Variants in PABIR3 observed in about 807,000 individuals in gnomAD.
PABIR3 encodes the protein PABIR family member 1.
In PABIR3, 20 loss-of-function variants were observed where a neutral mutation model predicts 23.1. The observed-to-expected ratio is 0.86, with a 90% CI of 0.61 to 1.26. The LOEUF (loss-of-function observed/expected upper bound fraction) is 1.26, where lower values mean the gene tolerates loss of function less well. Ranked by LOEUF, PABIR3 falls within the 50% of genes most tolerant of loss-of-function variation. The probability of loss-of-function intolerance (pLI) is 0.00; values close to 1 mark genes in which losing one functional copy is unlikely to be tolerated. For synonymous variants in PABIR3, 69 were observed against 68.5 expected (o/e 1.01, Z -0.04); for missense variants, 189 against 195.4 (o/e 0.97, Z 0.20).
In PABIR3 at chrX:134,814,799, A is replaced by G; in HGVS notation, c.139A>G (p.Met47Val). ...TAATTCACAGGTGTTGCAAGCTGAC[A>G]TGTTAAGAATTAGGACAAACAGAAC... ...GFNSQVLQADMLRIRTNRTTF... is the reference protein window; with the variant it reads ...GFNSQVLQADVLRIRTNRTTF... The change falls in exon 3 of 11, where the codon ATG becomes GTG. Residue 47 changes from methionine (M) to valine (V), a missense_variant. Coordinates refer to ENST00000645433, the MANE Select transcript of PABIR3 (RefSeq NM_001388447.1). 8.3e-7 allele frequency: 1 copy of G among 1,201,352 alleles called. No individual in the cohort carries two copies. Among genetic ancestry groups the G allele is most frequent in the Non-Finnish European group, 1.1e-6 (1 of 890,565 alleles).
At chrX:134,801,505 G>A (rs1367392437) in intron 1 of PABIR3, among the ~76,000 whole-genome samples, 1 of 112,670 alleles carries the variant, frequency 8.9e-6, no homozygotes, top group Admixed American at 9.4e-5. Flanking sequence ...TTATGTCCCA[G>A]GGACCCTTTG....
At position 134,847,962 on chromosome X, in the gene PABIR3, A is replaced by T. The variant is rs1206897302; in HGVS notation, c.518A>T (p.Gln173Leu). The change falls in exon 8 of 11, where the codon CAA becomes CTA. Residue 173 changes from glutamine to leucine, a missense_variant. By Grantham distance (113) the Gln-to-Leu change is moderately radical. Transcript: ENST00000645433. ...AGTCCTATTCCCAGTCCTATGCAAC[A>T]ATACATCATGTAAGTTTATGTTATA... Reference protein sequence around the residue: ...PSSPIPSPMQQYIIRSQNPTN... With the variant: ...PSSPIPSPMQLYIIRSQNPTN... The T allele has an allele frequency of 5.8e-5, 66 of 1,144,454 alleles. No homozygotes were observed. The East Asian group carries it at 1.6e-3, about 28-fold the overall frequency. 94.3% of individuals were successfully genotyped at this position (1,144,454 alleles called of 1,213,427 possible).
At chrX:134,809,636 A>G in intron 2 of PABIR3, 1 of 742,395 alleles carries the variant, frequency 1.3e-6, no homozygotes, top group Non-Finnish European at 1.6e-6. Context: ...GTTGTAATTC[A>G]CAGTACCATA....
chrX:134,822,350 C>G, intron 3 of PABIR3: 1 of 749,042 alleles, frequency 1.3e-6, no homozygotes, highest in East Asian at 1.5e-4. Context: ...CTTCCAGAAG[C>G]CTTGTTTTCT....
At chrX:134,816,413 C>T (rs1469055102) in intron 3 of PABIR3, among the ~76,000 whole-genome samples, 5 of 112,338 alleles carry the variant, frequency 4.5e-5, no homozygotes, top group Middle Eastern at 4.7e-3. Context: ...CTCTGCCTCC[C>T]GGGTTCAGGC....
At chrX:134,797,236 C>A (rs1309982756) in intron 1 of PABIR3, 2 of 113,909 alleles carry the variant, frequency 1.8e-5, no homozygotes, top group East Asian at 5.6e-4. Context: ...CTCCAATGGG[C>A]CCGCGGGCAC....
intron 2 of PABIR3, among the ~76,000 whole-genome samples, chrX:134,813,390 G>GA (rs1311531156): frequency 8.9e-6 from 1 of 112,082 alleles, no homozygotes; most frequent in Non-Finnish European, 1.9e-5. Flanking sequence ...TGTGGAAAAG[G>GA]AAAAAGACCT....
At chrX:134,801,000 A>C (rs924550165) in intron 1 of PABIR3, among the ~76,000 whole-genome samples, 1 of 112,237 alleles carries the variant, frequency 8.9e-6, no homozygotes, top group African/African-American at 3.2e-5. Context: ...TAAACCACAA[A>C]GGACTGACTT....
At position 134,800,698 on chromosome X, in the gene PABIR3, G is replaced by A. The variant is rs770975431; in HGVS notation, c.-97-3403G>A. Among the ~76,000 whole-genome samples, 19 of 111,222 alleles carry A rather than the reference G, an allele frequency of 1.7e-4. 1 individual carries two copies. The East Asian group carries it at 5.4e-3, about 31-fold the overall frequency. On this transcript the variant is annotated intron_variant, in intron 1 of 4. Transcript: ENST00000414371. ...CCAGCTACTCAGGAGGCTGAGGCAG[G>A]AGAATCGCTTGAACCTGGGAGGTGG...
intron 2 of PABIR3, among the ~76,000 whole-genome samples, chrX:134,808,772 C>A (rs2148101968): frequency 8.9e-6 from 1 of 112,398 alleles, no homozygotes; most frequent in East Asian, 2.8e-4. Context: ...CTGCCTCAGC[C>A]TCCCAAAGTG....
At chrX:134,836,562 T>A (rs750133043) in intron 4 of PABIR3, among the ~76,000 whole-genome samples, 2 of 112,357 alleles carry the variant, frequency 1.8e-5, no homozygotes, top group Non-Finnish European at 3.8e-5. Flanking sequence ...TGTTGATGGC[T>A]ATCTTCATGT....
At chrX:134,850,526 A>C (rs1263730366) in intron 9 of PABIR3, among the ~76,000 whole-genome samples, 1 of 111,691 alleles carries the variant, frequency 9.0e-6, no homozygotes, top group Non-Finnish European at 1.9e-5. Context: ...TGTTGAAAAA[A>C]TATTCAAATA....
chrX:134,840,880 T>G (rs910432253), intron 4 of PABIR3, among the ~76,000 whole-genome samples: 3 of 109,499 alleles, frequency 2.7e-5, no homozygotes, highest in Non-Finnish European at 5.7e-5. Flanking sequence ...TGGGTTCTTC[T>G]GCTTGGAATA....
At chrX:134,801,075 G>A (rs912024039) in intron 1 of PABIR3, among the ~76,000 whole-genome samples, 13 of 112,537 alleles carry the variant, frequency 1.2e-4, no homozygotes, top group African/African-American at 3.9e-4. Context: ...CTGACCTACA[G>A]CACAAGGTGA....
At chrX:134,844,252 G>GT (rs1291330182) in intron 4 of PABIR3, 1 of 111,497 alleles carries the variant, frequency 9.0e-6, no homozygotes, top group Non-Finnish European at 1.9e-5. Context: ...TTTGTAGGAA[G>GT]TTTTGAAATC....
chrX:134,801,851 C>CT lies in PABIR3; in HGVS notation c.-97-2235dup, dbSNP rs371529992. 2.6e-3 allele frequency among the ~76,000 whole-genome samples: 256 copies of CT among 99,070 alleles called. 1 individual carries two copies. Among genetic ancestry groups the CT allele is most frequent in the African/African-American group, 5.8e-3 (159 of 27,259 alleles). 86.0% of individuals were successfully genotyped at this position (99,070 alleles called of 115,157 possible). ...TGCTGTATTACAAAAGAAAATTCGA[C>CT]TTTTTTTTTTTTTTTAATCTGAGGG... On this transcript the variant is annotated intron_variant, in intron 1 of 4. Coordinates refer to the PABIR3 transcript ENST00000414371.
intron 4 of PABIR3, chrX:134,834,261 A>G (rs2081902681): frequency 8.9e-6 from 1 of 112,312 alleles, no homozygotes; most frequent in Non-Finnish European, 1.9e-5. Flanking sequence ...CATTTCTCTA[A>G]TGATCAGTGA....
chrX:134,826,230 A>T (rs756998513), intron 3 of PABIR3, among the ~76,000 whole-genome samples: 1 of 111,387 alleles, frequency 9.0e-6, no homozygotes, highest in Admixed American at 9.6e-5. Context: ...TGCCACTCAC[A>T]CAGGGCCAGT....
At chrX:134,803,467 C>T (rs910417954), upstream of PABIR3, among the ~76,000 whole-genome samples, 1 of 112,600 alleles carries the variant, frequency 8.9e-6, no homozygotes. Flanking sequence ...CAAAATTCAG[C>T]CAGAAATAAT....
Sources: allele counts gnomAD v4.1 joint callset (sites outside exome capture counted in the v4.1 genomes callset), GRCh38; gene constraint gnomAD v4.1.1; transcripts MANE v1.5; gene names NCBI Gene and HGNC (gene_info 2026-07-23, HGNC 2026-07-21).